Variants in WDFY2 observed in about 807,000 individuals in gnomAD.
WDFY2 encodes WD repeat and FYVE domain containing 2.
A neutral mutation model predicts 56.4 loss-of-function variants in WDFY2; 36 were observed. The ratio of observed to expected loss-of-function variants is 0.64; its 90% CI spans 0.49 to 0.84. The LOEUF (loss-of-function observed/expected upper bound fraction) is 0.84, where lower values mean the gene tolerates loss of function less well. Among genes scored for constraint, WDFY2 ranks in the 40% least tolerant of loss-of-function variants. The pLI is 0.00. For synonymous variants in WDFY2, 176 were observed against 183.7 expected (o/e 0.96, Z 0.34); for missense variants, 444 against 512.2 (o/e 0.87, Z 1.29).
chr13:51,670,736 T>A (rs952710619), intron 2 of WDFY2, among the ~76,000 whole-genome samples: 2 of 152,050 alleles, frequency 1.3e-5, no homozygotes, highest in Non-Finnish European at 1.5e-5. Flanking sequence ...GTCTTTTTTT[T>A]AATTTCAGTA....
chr13:51,601,370 C>A lies in WDFY2; in HGVS notation c.137+16546C>A, dbSNP rs573162444. ...GACACTGGGTTAATCTGTTTATGTG[C>A]CTTTTCTTATTTAATTCTAAAAATG... On this transcript the variant is annotated intron_variant, in intron 1 of 11. Transcript: ENST00000298125. Among the ~76,000 whole-genome samples, 6 of 151,760 alleles carry A rather than the reference C, an allele frequency of 4.0e-5. No individual in the cohort carries two copies. The East Asian group carries it at 1.2e-3, about 29-fold the overall frequency.
intron 7 of WDFY2, among the ~76,000 whole-genome samples, chr13:51,745,967 C>G (rs867531329): frequency 1.6e-5 from 2 of 127,832 alleles, no homozygotes; most frequent in African/African-American, 5.7e-5. Context: ...TTTTCTTTTT[C>G]TTTTTCTTTT....
chr13:51,623,280 C>A (rs967580351), intron 1 of WDFY2, among the ~76,000 whole-genome samples: 29 of 151,524 alleles, frequency 1.9e-4, no homozygotes, highest in Admixed American at 1.2e-3. Flanking sequence ...AAGACATAAA[C>A]CCAGACAGTC....
intron 5 of WDFY2, among the ~76,000 whole-genome samples, chr13:51,722,791 C>G (rs1316358931): frequency 6.6e-6 from 1 of 152,204 alleles, no homozygotes; most frequent in Admixed American, 6.5e-5. Context: ...CCCAAAGACC[C>G]CATGGCAGGT....
intron 1 of WDFY2, among the ~76,000 whole-genome samples, chr13:51,596,989 C>T (rs774599112): frequency 2.0e-5 from 3 of 152,096 alleles, no homozygotes; most frequent in Admixed American, 6.6e-5. Flanking sequence ...AGAAGCGGTC[C>T]AGAAAAGTTC....
At chr13:51,718,775 C>A (rs1952422738) in intron 4 of WDFY2, among the ~76,000 whole-genome samples, 1 of 152,136 alleles carries the variant, frequency 6.6e-6, no homozygotes, top group Non-Finnish European at 1.5e-5. Flanking sequence ...TTTGTAAGTG[C>A]ACATAAACTG....
At position 51,761,044 on chromosome 13, in the gene WDFY2, C is replaced by T. The variant is rs1424313750; in HGVS notation, c.*1275C>T. On this transcript the variant is annotated 3_prime_UTR_variant, in exon 12 of 12. Coordinates refer to ENST00000298125, the MANE Select transcript of WDFY2 (RefSeq NM_052950.4). ...ATGTTCATTACGGCAAGATTGTAAT[C>T]CTGCTGTATTCCTCGCCCTCTGTAT... The T allele has an allele frequency of 1.3e-5, 2 of 152,208 alleles. No individual in the cohort carries two copies. Among genetic ancestry groups the T allele is most frequent in the East Asian group, 3.8e-4 (2 of 5,204 alleles). The allele number at this position is 152,208 out of a possible 1,614,324, so 9.4% of individuals were successfully genotyped here.
At chr13:51,675,356 T>C in intron 3 of WDFY2, 113 bp downstream of exon 3, 1 of 982,104 alleles carries the variant, frequency 1.0e-6, no homozygotes, top group Non-Finnish European at 1.5e-6. Flanking sequence ...CTAAGTAGAA[T>C]GAAAATTGCA....
chr13:51,680,709 G>A (rs747721658), intron 3 of WDFY2, among the ~76,000 whole-genome samples: 17 of 152,186 alleles, frequency 1.1e-4, no homozygotes, highest in Non-Finnish European at 1.9e-4. Context: ...AAATCCTCTT[G>A]TGGGAGATAA....
At chr13:51,723,217 T>G (rs1952529148) in intron 5 of WDFY2, among the ~76,000 whole-genome samples, 1 of 152,262 alleles carries the variant, frequency 6.6e-6, no homozygotes, top group Admixed American at 6.5e-5. Flanking sequence ...TATCATTTTA[T>G]CCTTATATAC....
At position 51,610,380 on chromosome 13, in the gene WDFY2, C is replaced by T. The variant is rs147593950; in HGVS notation, c.137+25556C>T. 5.1e-3 allele frequency among the ~76,000 whole-genome samples: 766 copies of T among 151,570 alleles called. 4 individuals are homozygous for T. Among genetic ancestry groups the T allele is most frequent in the African/African-American group, 0.015 (604 of 41,240 alleles). ...TTTAAAGGAATAGTAATGAGTATTA[C>T]ATATTTATAGTATGAAATTTCCTTT... On this transcript the variant is annotated intron_variant, in intron 1 of 11. Coordinates refer to ENST00000298125, the MANE Select transcript of WDFY2 (RefSeq NM_052950.4).
At chr13:51,631,483 T>C (rs1007955264) in intron 1 of WDFY2, among the ~76,000 whole-genome samples, 1 of 152,130 alleles carries the variant, frequency 6.6e-6, no homozygotes, top group Non-Finnish European at 1.5e-5. Flanking sequence ...TGTGGGTAAT[T>C]AAAATTTGAA....
At chr13:51,693,278 G>T (rs1593419951) in intron 3 of WDFY2, among the ~76,000 whole-genome samples, 4 of 152,022 alleles carry the variant, frequency 2.6e-5, no homozygotes, top group African/African-American at 9.6e-5. Flanking sequence ...TGATGTTAGG[G>T]TGTCAATTTT....
In WDFY2 at chr13:51,636,927, A is replaced by G. The variant is rs1160350245; in HGVS notation, c.138-23669A>G. ...ATCTTCGATCCATACCTCATACCAC[A>G]TGCAAAAATGAATACAAAGCAGATC... On this transcript the variant is annotated intron_variant, in intron 1 of 11. Transcript: ENST00000298125. Among the ~76,000 whole-genome samples the G allele has an allele frequency of 2.6e-5, 4 of 152,380 alleles. No homozygotes were observed. The East Asian group carries it at 7.7e-4, about 29-fold the overall frequency.
Position 51,766,597 on chromosome 13 carries a change from C to T in WDFY2, c.*6828C>T, listed in dbSNP as rs1953757933. 6.6e-6 allele frequency: 1 copy of T among 152,190 alleles called. No individual in the cohort carries two copies. Among genetic ancestry groups the T allele is most frequent in the African/African-American group, 2.4e-5 (1 of 41,436 alleles). 9.4% of individuals were successfully genotyped at this position (152,190 alleles called of 1,614,324 possible). ...CTGAATGTGATTAGGTGGTAATGAG[C>T]AAGAATTTCCTAGGATATTGAAACA... On this transcript the variant is annotated 3_prime_UTR_variant, in exon 12 of 12. Transcript: ENST00000298125.
chr13:51,745,738 TAAAAAAAAAAA>T (rs34880965), intron 7 of WDFY2, among the ~76,000 whole-genome samples: 5 of 86,336 alleles, frequency 5.8e-5, no homozygotes, highest in African/African-American at 1.8e-4. Context: ...ATCCTTCATT[TAAAAAAAAAAA>T]AAAAAAAAAA....
Position 51,627,555 on chromosome 13 carries a change from T to A in WDFY2, c.138-33041T>A, listed in dbSNP as rs1171879148. Among the ~76,000 whole-genome samples the A allele has an allele frequency of 2.0e-5, 3 of 151,900 alleles. No homozygotes were observed. In the East Asian group the frequency reaches 5.8e-4, roughly 30 times the overall value. Reference sequence around the variant, plus strand: ...GGCTAATTTTTTTTTTTGTTGTTATTGTATTTTTAGTAGAGATGTGGTTTC... The same window carrying A: ...GGCTAATTTTTTTTTTTGTTGTTATAGTATTTTTAGTAGAGATGTGGTTTC... On this transcript the variant is annotated intron_variant, in intron 1 of 11. Coordinates refer to ENST00000298125, the MANE Select transcript of WDFY2 (RefSeq NM_052950.4).
At chr13:51,724,393 G>A (rs572314007) in intron 5 of WDFY2, among the ~76,000 whole-genome samples, 6 of 151,558 alleles carry the variant, frequency 4.0e-5, no homozygotes, top group African/African-American at 7.3e-5. Flanking sequence ...ACTGACCACC[G>A]CGCCCAGCTA....
In WDFY2 at chr13:51,652,170, G is replaced by T. The variant is rs1480759802; in HGVS notation, c.138-8426G>T. On this transcript the variant is annotated intron_variant, in intron 1 of 11. Coordinates refer to ENST00000298125, the MANE Select transcript of WDFY2 (RefSeq NM_052950.4). ...TTACCATTATGTAATGGCCTTCTTT[G>T]TCTCTTTTGATCTTTGTTGGTTTAA... 4.6e-5 allele frequency among the ~76,000 whole-genome samples: 7 copies of T among 152,066 alleles called. No homozygotes were observed. In the South Asian group the frequency reaches 1.5e-3, roughly 32 times the overall value.
Sources: allele counts gnomAD v4.1 joint callset (sites outside exome capture counted in the v4.1 genomes callset), GRCh38; gene constraint gnomAD v4.1.1; transcripts MANE v1.5; gene names NCBI Gene and HGNC (gene_info 2026-07-23, HGNC 2026-07-21).